AGAP1: variants seen among roughly 807,000 people sequenced by gnomAD.
The protein encoded by AGAP1 is ArfGAP with GTPase domain, ankyrin repeat and PH domain 1.
AGAP1 carries 29 observed loss-of-function variants against 105.3 expected under a neutral mutation model. The ratio of observed to expected loss-of-function variants is 0.28; its 90% CI spans 0.21 to 0.38. AGAP1 has a LOEUF of 0.38. AGAP1 is among the 10% of genes least tolerant of loss of function. AGAP1 has a pLI of 1.00. For synonymous variants in AGAP1, 509 were observed against 485.9 expected, an observed-to-expected ratio of 1.05 and a Z score of -0.63; for missense variants, 998 against 1,165.1, an observed-to-expected ratio of 0.86 and a Z score of 2.09.
intron 1 of AGAP1, among the ~76,000 whole-genome samples, chr2:235,640,239 C>G (rs991611373): frequency 2.0e-4 from 31 of 152,200 alleles, no homozygotes; most frequent in Admixed American, 1.8e-3. Context: ...ACATTTCTTG[C>G]CCTTTTTGAT....
chr2:235,691,892 G>A lies in AGAP1; in HGVS notation c.164-17287G>A, dbSNP rs1575142672. ...GAGAGGGAACTTAGAGGCAAGGCAG[G>A]GATGCAAAATCGGAGTTCCTAGTAG... is the stretch of plus-strand genomic sequence containing the variant. On this transcript the variant is annotated intron_variant, in intron 1 of 17. Coordinates refer to ENST00000304032, the MANE Select transcript of AGAP1 (RefSeq NM_001037131.3). This position sits in a 1 kb window ranked among gnomAD's most constrained non-coding sequence, Gnocchi z 4.4. 6.6e-6 allele frequency among the ~76,000 whole-genome samples: 1 copy of A among 152,160 alleles called. No individual in the cohort carries two copies. Among genetic ancestry groups the A allele is most frequent in the African/African-American group, 2.4e-5 (1 of 41,430 alleles).
chr2:236,010,121 A>G (rs1164496463), intron 13 of AGAP1, among the ~76,000 whole-genome samples: 1 of 152,020 alleles, frequency 6.6e-6, no homozygotes, highest in Admixed American at 6.5e-5. Flanking sequence ...TTAGTAAAAA[A>G]AAAAAAAACA....
At position 235,988,986 on chromosome 2, in the gene AGAP1, C is replaced by T. The variant is rs997789259; in HGVS notation, c.1645+20363C>T. Among the ~76,000 whole-genome samples, 1 of 152,170 alleles carries T rather than the reference C, an allele frequency of 6.6e-6. No homozygotes were observed. Among genetic ancestry groups the T allele is most frequent in the African/African-American group, 2.4e-5 (1 of 41,436 alleles). ...TAGTTTAGGTCTTCCGAGGAATGCA[C>T]AGACCACACGTTGTCAGGCTTCCCT... On this transcript the variant is annotated intron_variant, in intron 13 of 17. Coordinates refer to ENST00000304032, the MANE Select transcript of AGAP1 (RefSeq NM_001037131.3). This position sits in a 1 kb window ranked among gnomAD's most constrained non-coding sequence, Gnocchi z 4.7.
chr2:235,960,810 A>G lies in AGAP1; in HGVS notation c.1484-7652A>G, dbSNP rs1026297332. On this transcript the variant is annotated intron_variant, in intron 12 of 17. Coordinates refer to ENST00000304032, the MANE Select transcript of AGAP1 (RefSeq NM_001037131.3). The surrounding 1 kb of genome is among the most constrained non-coding windows in gnomAD (Gnocchi z 4.9). ...ACAGGGAGATGCTTTCTCTGTGTCA[A>G]TAGACTTCACTCATGGACTCAGTCG... 6.6e-6 allele frequency among the ~76,000 whole-genome samples: 1 copy of G among 152,200 alleles called. No individual in the cohort carries two copies. The highest frequency in any genetic ancestry group is 1.5e-5 in the Non-Finnish European group (1 of 68,048).
rs1353496030 is a variant in AGAP1 at position 235,614,142 on chromosome 2, G to A, written c.164-95037G>A. ...CTGCGAATGTGCTAGATACCCTACT[G>A]GTGCTGGTGAGCAGAAACAGGCAAG... is the stretch of plus-strand genomic sequence containing the variant. On this transcript the variant is annotated intron_variant, in intron 1 of 17. Transcript: ENST00000304032. This position sits in a 1 kb window ranked among gnomAD's most constrained non-coding sequence, Gnocchi z 4.7. 1.3e-5 allele frequency among the ~76,000 whole-genome samples: 2 copies of A among 152,100 alleles called. No individual in the cohort carries two copies. Among genetic ancestry groups the A allele is most frequent in the African/African-American group, 2.4e-5 (1 of 41,418 alleles).
rs1946605480 is a variant in AGAP1 at position 235,625,377 on chromosome 2, C to T, written c.164-83802C>T. Among the ~76,000 whole-genome samples, 1 of 152,202 alleles carries T rather than the reference C, an allele frequency of 6.6e-6. No individual in the cohort carries two copies. The highest frequency in any genetic ancestry group is 2.4e-5 in the African/African-American group (1 of 41,460). ...GGACAGTTTGAAAGCCTAGCTGAGG[C>T]AGCTGGAAGAAATTCATGGGAGTCC... On this transcript the variant is annotated intron_variant, in intron 1 of 17. Coordinates refer to ENST00000304032, the MANE Select transcript of AGAP1 (RefSeq NM_001037131.3). This position sits in a 1 kb window ranked among gnomAD's most constrained non-coding sequence, Gnocchi z 4.0.
At chr2:235,522,827 C>T (rs898709742) in intron 1 of AGAP1, among the ~76,000 whole-genome samples, 9 of 152,062 alleles carry the variant, frequency 5.9e-5, no homozygotes, top group South Asian at 2.1e-4. Flanking sequence ...ACTGTTAGAG[C>T]GATTTGTCCT....
At chr2:235,678,850 G>C (rs576427966) in intron 1 of AGAP1, among the ~76,000 whole-genome samples, 1 of 151,826 alleles carries the variant, frequency 6.6e-6, no homozygotes, top group Non-Finnish European at 1.5e-5. Context: ...TCCCACTCCC[G>C]CTCTCCTGCC....
chr2:235,819,920 T>TTTG (rs1958692681), intron 9 of AGAP1, among the ~76,000 whole-genome samples: 1 of 149,862 alleles, frequency 6.7e-6, no homozygotes, highest in African/African-American at 2.4e-5. Flanking sequence ...TTTTTTTTTT[T>TTTG]GAGACGGAGT....
In AGAP1 at chr2:236,114,907, A is replaced by G. The variant is rs774824361; in HGVS notation, c.2115-5285A>G. On this transcript the variant is annotated intron_variant, in intron 16 of 17. Transcript: ENST00000304032. The surrounding 1 kb of genome is among the most constrained non-coding windows in gnomAD (Gnocchi z 5.0). ...TGTTGCTCCTGCAACTCTGACAGCT[A>G]TGAGGTCATTTAAACCAGCCAGACT... 6.6e-5 allele frequency among the ~76,000 whole-genome samples: 10 copies of G among 152,106 alleles called. No individual in the cohort carries two copies. Among genetic ancestry groups the G allele is most frequent in the Non-Finnish European group, 8.8e-5 (6 of 68,006 alleles).
intron 5 of AGAP1, among the ~76,000 whole-genome samples, chr2:235,748,248 C>G (rs1953127015): frequency 6.6e-6 from 1 of 152,240 alleles, no homozygotes; most frequent in South Asian, 2.1e-4. Flanking sequence ...TTGACAGAAA[C>G]CAAGCGAGCA....
At chr2:235,686,587 ACG>A (rs1491296750) in intron 1 of AGAP1, among the ~76,000 whole-genome samples, 2 of 119,350 alleles carry the variant, frequency 1.7e-5, no homozygotes, top group South Asian at 2.8e-4. Flanking sequence ...ACACACACAC[ACG>A]TGTGTGTGTA....
chr2:235,603,194 G>T (rs1945791847), intron 1 of AGAP1, among the ~76,000 whole-genome samples: 1 of 152,078 alleles, frequency 6.6e-6, no homozygotes, highest in Non-Finnish European at 1.5e-5. Context: ...TTTCATAAGG[G>T]GAAACCCCTT....
At chr2:235,709,433 CTA>C (rs1491323480) in intron 2 of AGAP1, among the ~76,000 whole-genome samples, 196 bp downstream of exon 2, 1 of 152,146 alleles carries the variant, frequency 6.6e-6, no homozygotes, top group African/African-American at 2.4e-5. Context: ...CCTGGGACAG[CTA>C]TGACAGCCAT....
chr2:235,988,495 CT>C lies in AGAP1; in HGVS notation c.1645+19875del, dbSNP rs2055417144. Among the ~76,000 whole-genome samples the C allele has an allele frequency of 6.6e-6, 1 of 152,062 alleles. No individual in the cohort carries two copies. The highest frequency in any genetic ancestry group is 6.6e-5 in the Admixed American group (1 of 15,266). On this transcript the variant is annotated intron_variant, in intron 13 of 17. Transcript: ENST00000304032. This position sits in a 1 kb window ranked among gnomAD's most constrained non-coding sequence, Gnocchi z 4.7. ...CCGAAGTCAGGAAGTGATTTCTGAA[CT>C]TTAGCGTAAGTGTTCTCTGGCAGGT...
rs74967425 is a variant in AGAP1, at chr2:235,575,836, C to G, written c.163+80987C>G. On this transcript the variant is annotated intron_variant, in intron 1 of 17. Transcript: ENST00000304032. ...TTTTCTTTCCGTAAAATAACCACCTCTTTACTGAGATTGGGGAGGGAAGTC... is the reference window on the plus strand; with the variant it reads ...TTTTCTTTCCGTAAAATAACCACCTGTTTACTGAGATTGGGGAGGGAAGTC... 2.2e-3 allele frequency among the ~76,000 whole-genome samples: 342 copies of G among 152,266 alleles called. 1 individual carries two copies. Among genetic ancestry groups the G allele is most frequent in the Non-Finnish European group, 4.0e-3 (273 of 68,012 alleles).
intron 1 of AGAP1, among the ~76,000 whole-genome samples, chr2:235,558,566 C>T (rs2149130472): frequency 6.6e-6 from 1 of 152,228 alleles, no homozygotes; most frequent in South Asian, 2.1e-4. Flanking sequence ...TCGTAGCCTT[C>T]AGGAGAAATA....
At chr2:235,802,323 C>G (rs1957533734) in intron 8 of AGAP1, among the ~76,000 whole-genome samples, 1 of 152,180 alleles carries the variant, frequency 6.6e-6, no homozygotes. Context: ...CTCATTGTTA[C>G]AGTGACCAAA....
At chr2:235,972,337 G>A (rs1446163611) in intron 13 of AGAP1, among the ~76,000 whole-genome samples, 2 of 152,304 alleles carry the variant, frequency 1.3e-5, no homozygotes, top group Non-Finnish European at 2.9e-5. Context: ...TTCCATTGAA[G>A]TAAGCAAATT....
Sources: allele counts gnomAD v4.1 joint callset (sites outside exome capture counted in the v4.1 genomes callset), GRCh38; gene constraint gnomAD v4.1.1; non-coding constraint Gnocchi (gnomAD v3.1); transcripts MANE v1.5; gene names NCBI Gene and HGNC (gene_info 2026-07-23, HGNC 2026-07-21).